FANCB: variants seen among roughly 807,000 people sequenced by gnomAD.
The protein encoded by FANCB is FA complementation group B, also known as Fanconi anemia group B protein.
In FANCB, 5 loss-of-function variants were observed where a neutral mutation model predicts 38.9. The ratio of observed to expected loss-of-function variants is 0.13; its 90% CI spans 0.07 to 0.27. The LOEUF is 0.27. FANCB is among the 10% of genes least tolerant of loss of function. The probability of loss-of-function intolerance (pLI) is 1.00; values close to 1 mark genes in which losing one functional copy is unlikely to be tolerated. For missense variants in FANCB, 573 were observed against 602.7 expected, an observed-to-expected ratio of 0.95 and a Z score of 0.52; for synonymous variants, 236 against 215.4, an observed-to-expected ratio of 1.10 and a Z score of -0.84.
the FANCB span, among the ~76,000 whole-genome samples, chrX:14,787,407 G>A: frequency 9.1e-6 from 1 of 109,320 alleles, no homozygotes; most frequent in South Asian, 4.0e-4. Context: ...AAACATGAGG[G>A]TGGGGATGTG....
At chrX:14,839,059 C>T (rs756960957), downstream of FANCB, among the ~76,000 whole-genome samples, 1 of 110,965 alleles carries the variant, frequency 9.0e-6, no homozygotes, top group African/African-American at 3.3e-5. Context: ...GGGAGGAGGT[C>T]GAGGAGGGCG....
intron 3 of FANCB, among the ~76,000 whole-genome samples, chrX:14,862,538 A>G (rs1407022631): frequency 8.9e-6 from 1 of 111,960 alleles, no homozygotes; most frequent in African/African-American, 3.2e-5. Context: ...CCACTTCAAG[A>G]GAGTGACGAT....
At chrX:14,822,936 T>C in the FANCB span, among the ~76,000 whole-genome samples, 1 of 111,311 alleles carries the variant, frequency 9.0e-6, no homozygotes, top group Non-Finnish European at 1.9e-5. Context: ...AATCACATTA[T>C]ATTTGGTGTT....
At chrX:14,819,858 G>A in the FANCB span, among the ~76,000 whole-genome samples, 5 of 111,204 alleles carry the variant, frequency 4.5e-5, no homozygotes, top group Non-Finnish European at 9.4e-5. Flanking sequence ...CCGGATTGTT[G>A]CAGTAGCATC....
chrX:14,841,226 C>T (rs998380725), downstream of FANCB, among the ~76,000 whole-genome samples: 4 of 112,125 alleles, frequency 3.6e-5, no homozygotes, highest in African/African-American at 1.3e-4. Flanking sequence ...AGATCTTTCA[C>T]TCCCAAATTC....
intron 3 of FANCB, among the ~76,000 whole-genome samples, chrX:14,860,867 C>A (rs2092443652): frequency 9.0e-6 from 1 of 110,940 alleles, no homozygotes; most frequent in African/African-American, 3.3e-5. Context: ...TGACAATGAC[C>A]TCAATTTTAT....
the FANCB span, among the ~76,000 whole-genome samples, chrX:14,830,212 CAATAGT>C: frequency 9.0e-6 from 1 of 111,634 alleles, no homozygotes. Context: ...AGAACAATTA[CAATAGT>C]AGTGTCAAAG....
intron 5 of FANCB, among the ~76,000 whole-genome samples, chrX:14,857,370 T>G (rs1347255532): frequency 8.9e-6 from 1 of 112,116 alleles, no homozygotes; most frequent in Non-Finnish European, 1.9e-5. Context: ...AATCATTAGG[T>G]TTTTTTTATT....
the FANCB span, among the ~76,000 whole-genome samples, chrX:14,775,878 A>C: frequency 1.8e-5 from 2 of 111,426 alleles, no homozygotes; most frequent in East Asian, 5.7e-4. Flanking sequence ...AGAGCTCTGT[A>C]AGGCACTGGG....
At chrX:14,758,024 T>C in the FANCB span, among the ~76,000 whole-genome samples, 4,357 of 111,361 alleles carry the variant, frequency 0.039, 92 homozygotes, top group Non-Finnish European at 0.057. Flanking sequence ...GGAGGCACGG[T>C]GGAATTGAGA....
the FANCB span, among the ~76,000 whole-genome samples, chrX:14,799,211 ACT>A: frequency 9.0e-6 from 1 of 111,563 alleles, no homozygotes; most frequent in East Asian, 2.8e-4. Flanking sequence ...GGTGCAACTC[ACT>A]CTCTTGAGTA....
the FANCB span, among the ~76,000 whole-genome samples, chrX:14,761,460 G>A: frequency 1.8e-5 from 2 of 111,126 alleles, no homozygotes; most frequent in Non-Finnish European, 3.8e-5. Flanking sequence ...AGAGAAAAGA[G>A]GATGGCATAA....
chrX:14,690,900 T>C, the FANCB span: 1 of 1,174,323 alleles, frequency 8.5e-7, no homozygotes, highest in Admixed American at 2.2e-5. Flanking sequence ...GAGCTTGAGT[T>C]GGTTAGCTAG....
At chrX:14,699,616 C>T in the FANCB span, among the ~76,000 whole-genome samples, 4 of 111,623 alleles carry the variant, frequency 3.6e-5, no homozygotes, top group Admixed American at 3.8e-4. Flanking sequence ...ATATACAATA[C>T]ATTATCATTA....
the FANCB span, among the ~76,000 whole-genome samples, chrX:14,752,195 A>G: frequency 2.7e-5 from 3 of 111,797 alleles, no homozygotes; most frequent in Admixed American, 9.5e-5. Context: ...TCATGTAAAA[A>G]TCATTATCTG....
chrX:14,806,230 T>C, the FANCB span, among the ~76,000 whole-genome samples: 19 of 111,611 alleles, frequency 1.7e-4, no homozygotes, highest in African/African-American at 6.2e-4. Flanking sequence ...GAGAGCCCAG[T>C]ACTATGATGA....
chrX:14,809,512 C>T, the FANCB span, among the ~76,000 whole-genome samples: 18 of 111,373 alleles, frequency 1.6e-4, no homozygotes, highest in East Asian at 1.7e-3. Context: ...TAAAAAACGG[C>T]GCACCAGGAG....
chrX:14,813,235 AT>A, the FANCB span, among the ~76,000 whole-genome samples: 2 of 107,167 alleles, frequency 1.9e-5, no homozygotes, highest in African/African-American at 6.9e-5. Flanking sequence ...AACTGGAAGC[AT>A]TCCCTTTGAA....
the FANCB span, among the ~76,000 whole-genome samples, chrX:14,752,933 C>T: frequency 9.5e-6 from 1 of 105,620 alleles, no homozygotes; most frequent in Non-Finnish European, 1.9e-5. Flanking sequence ...CTCCTCCTCC[C>T]TCCTTCCTTC....
Sources: allele counts gnomAD v4.1 joint callset (sites outside exome capture counted in the v4.1 genomes callset), GRCh38; gene constraint gnomAD v4.1.1; transcripts MANE v1.5; gene names NCBI Gene and HGNC (gene_info 2026-07-23, HGNC 2026-07-21).